The following SNX13 variants were observed in gnomAD, a reference collection of about 807,000 sequenced individuals.
SNX13 encodes the protein sorting nexin-13.
SNX13 carries 45 observed loss-of-function variants against 133.6 expected under a neutral mutation model. The observed-to-expected ratio is 0.34, with a 90% CI of 0.27 to 0.43. The LOEUF is 0.43. Ranked by LOEUF, SNX13 falls within the 20% of genes least tolerant of loss-of-function variation. The pLI, the probability that SNX13 is intolerant of heterozygous loss-of-function variation, is 1.00. For synonymous variants in SNX13, 414 were observed against 373.9 expected (o/e 1.11, Z -1.24); for missense variants, 1,032 against 1,145.1 (o/e 0.90, Z 1.43).
chr7:17,837,865 T>A (rs1789333943), intron 13 of SNX13, among the ~76,000 whole-genome samples: 1 of 151,894 alleles, frequency 6.6e-6, no homozygotes, highest in South Asian at 2.1e-4. Context: ...AGTAGTCTTA[T>A]TTTAAAAATA....
chr7:17,801,808 C>T lies in SNX13; in HGVS notation c.2227-149G>A, dbSNP rs78615098. 6.4e-3 allele frequency: 3,351 copies of T among 521,968 alleles called. 98 individuals are homozygous for T. Among genetic ancestry groups the T allele is most frequent in the African/African-American group, 0.06 (3,048 of 51,016 alleles). The allele number at this position is 521,968 out of a possible 1,614,324, so 32.3% of individuals were successfully genotyped here. ...AATTTAACAATCTAAAATTTGGAAC[C>T]AAATATAAAGGGTAATTATTTCATT... On this transcript the variant is annotated intron_variant, in intron 21 of 25. Transcript: ENST00000428135.
chr7:17,816,094 TTC>T, intron 19 of SNX13, 86 bp downstream of exon 19: 1 of 1,368,640 alleles, frequency 7.3e-7, no homozygotes, highest in Non-Finnish European at 9.7e-7. Context: ...AGTAAAAACA[TTC>T]TGTGTGCTAT....
intron 5 of SNX13, chr7:17,882,379 C>T (rs1260541798): frequency 6.6e-6 from 1 of 152,048 alleles, no homozygotes; most frequent in Non-Finnish European, 1.5e-5. Flanking sequence ...TAAAGAACAG[C>T]AATAGTCTGG....
intron 8 of SNX13, among the ~76,000 whole-genome samples, chr7:17,868,852 G>C (rs1421279457): frequency 1.3e-5 from 2 of 151,854 alleles, no homozygotes; most frequent in Non-Finnish European, 2.9e-5. Flanking sequence ...GAAAAGAAAA[G>C]GGAAGGATAC....
intron 1 of SNX13, among the ~76,000 whole-genome samples, chr7:17,904,988 G>A (rs1048425634): frequency 2.6e-5 from 4 of 152,040 alleles, no homozygotes; most frequent in African/African-American, 9.7e-5. Flanking sequence ...GTGAAATGAG[G>A]GAAGGAATGG....
intron 1 of SNX13, among the ~76,000 whole-genome samples, chr7:17,931,188 T>C (rs1376018332): frequency 6.6e-6 from 1 of 152,220 alleles, no homozygotes; most frequent in African/African-American, 2.4e-5. Context: ...ATTATATTAA[T>C]AGTTGCAGTC....
chr7:17,919,401 G>A (rs1023627611), intron 1 of SNX13, among the ~76,000 whole-genome samples: 2 of 152,110 alleles, frequency 1.3e-5, no homozygotes, highest in Non-Finnish European at 2.9e-5. Flanking sequence ...AAGCAGCTTC[G>A]AATATATTCC....
intron 1 of SNX13, among the ~76,000 whole-genome samples, chr7:17,938,332 GAGTT>G (rs540346618): frequency 6.1e-4 from 93 of 152,294 alleles, no homozygotes; most frequent in African/African-American, 2.1e-3. Context: ...TCTCTACTGA[GAGTT>G]AGGAGATGAG....
At chr7:17,828,657 T>C (rs1366152429) in intron 16 of SNX13, among the ~76,000 whole-genome samples, 3 of 151,610 alleles carry the variant, frequency 2.0e-5, no homozygotes, top group East Asian at 1.9e-4. Context: ...ATGAATTAAA[T>C]AGATTTATGG....
chr7:17,830,595 G>C (rs1788380701), intron 15 of SNX13: 2 of 983,522 alleles, frequency 2.0e-6, no homozygotes, highest in African/African-American at 3.5e-5. Flanking sequence ...CAAAAAGACA[G>C]TTAAAACTGC....
intron 5 of SNX13, among the ~76,000 whole-genome samples, chr7:17,878,243 A>C (rs1300378896): frequency 6.6e-6 from 1 of 152,184 alleles, no homozygotes; most frequent in African/African-American, 2.4e-5. Flanking sequence ...TTAGTAAAAC[A>C]ACCGGGCTAT....
chr7:17,931,598 G>C (rs1487317944), intron 1 of SNX13, among the ~76,000 whole-genome samples: 1 of 152,130 alleles, frequency 6.6e-6, no homozygotes, highest in Non-Finnish European at 1.5e-5. Context: ...TACCAATTCA[G>C]GTTTAAATGG....
chr7:17,936,695 GAT>G lies in SNX13; in HGVS notation c.12+3587_12+3588del, dbSNP rs373610405. On this transcript the variant is annotated intron_variant, in intron 1 of 25. Transcript: ENST00000428135. ...TCAAGAAAAGTTTAAAAGTGTGTTTGATAAAAATTCACTGATAAATATTTCAT... is the reference window on the plus strand; with the variant it reads ...TCAAGAAAAGTTTAAAAGTGTGTTTGAAAAATTCACTGATAAATATTTCAT... Among the ~76,000 whole-genome samples the G allele has an allele frequency of 1.1e-4, 17 of 152,144 alleles. No individual in the cohort carries two copies. The South Asian group carries it at 1.7e-3, about 15-fold the overall frequency.
chr7:17,846,517 G>A (rs2128322120), intron 11 of SNX13, among the ~76,000 whole-genome samples: 1 of 152,052 alleles, frequency 6.6e-6, no homozygotes, highest in Admixed American at 6.5e-5. Context: ...TATTTTCACT[G>A]GCTTCTCTAT....
At chr7:17,927,144 CAT>C (rs1275851505) in intron 1 of SNX13, among the ~76,000 whole-genome samples, 4 of 150,816 alleles carry the variant, frequency 2.7e-5, no homozygotes, top group Admixed American at 1.3e-4. Flanking sequence ...ACATTTTTGA[CAT>C]ATATATACAT....
chr7:17,832,537 AC>A (rs1562722615), intron 15 of SNX13: 1 of 950,174 alleles, frequency 1.1e-6, no homozygotes. Flanking sequence ...AACAACAAAA[AC>A]TTTTATAATA....
chr7:17,868,256 A>C (rs1323640470), intron 9 of SNX13, 151 bp downstream of exon 9: 1 of 633,412 alleles, frequency 1.6e-6, no homozygotes. Context: ...ATATAAGCAA[A>C]TAAAAATATT....
At chr7:17,807,692 C>T (rs1331904107) in intron 20 of SNX13, among the ~76,000 whole-genome samples, 2 of 152,102 alleles carry the variant, frequency 1.3e-5, no homozygotes, top group African/African-American at 4.8e-5. Context: ...CATCAGGGGT[C>T]GACAGACACC....
At position 17,827,233 on chromosome 7, in the gene SNX13, C is replaced by A. The variant is rs1395701189; in HGVS notation, c.1636-1142G>T. On this transcript the variant is annotated intron_variant, in intron 16 of 25. Coordinates refer to ENST00000428135, the MANE Select transcript of SNX13 (RefSeq NM_015132.5). ...GACTATGGTATGTTCTGTGAGTTTTCTTAGCAAATCACTGAGCCTGGGAGT... is the reference window on the plus strand; with the variant it reads ...GACTATGGTATGTTCTGTGAGTTTTATTAGCAAATCACTGAGCCTGGGAGT... Among the ~76,000 whole-genome samples the A allele has an allele frequency of 2.0e-5, 3 of 151,924 alleles. No homozygotes were observed. The East Asian group carries it at 5.8e-4, about 29-fold the overall frequency.
Sources: gnomAD v4.1 joint callset for allele counts (sites outside exome capture counted in the v4.1 genomes callset) on GRCh38, gnomAD v4.1.1 for gene constraint, MANE v1.5 for transcripts, NCBI Gene and HGNC (gene_info 2026-07-23, HGNC 2026-07-21) for gene names.